Variants in PRELID2 observed in about 807,000 individuals in gnomAD.
The protein encoded by PRELID2 is PRELI domain-containing protein 2.
PRELID2 carries 25 observed loss-of-function variants against 28.4 expected under a neutral mutation model. The observed-to-expected ratio is 0.88, with a 90% CI of 0.64 to 1.23. The LOEUF (loss-of-function observed/expected upper bound fraction) is 1.23, where lower values mean the gene tolerates loss of function less well. PRELID2 is among the 50% of genes most tolerant of loss of function. PRELID2 has a pLI of 0.00. For synonymous variants in PRELID2, 76 were observed against 71.6 expected (o/e 1.06, Z -0.31); for missense variants, 201 against 214.4 (o/e 0.94, Z 0.39).
At chr5:145,617,880 T>C (rs1227636753) in intron 1 of PRELID2, among the ~76,000 whole-genome samples, 1 of 151,966 alleles carries the variant, frequency 6.6e-6, no homozygotes, top group Non-Finnish European at 1.5e-5. Context: ...ATTACAGGCA[T>C]GCACCACCAC....
At chr5:145,275,172 A>G in the PRELID2 span, among the ~76,000 whole-genome samples, 3 of 152,158 alleles carry the variant, frequency 2.0e-5, no homozygotes, top group Non-Finnish European at 4.4e-5. Flanking sequence ...GACACAATTC[A>G]ACCCAAACAC....
intron 4 of PRELID2, among the ~76,000 whole-genome samples, chr5:145,814,272 A>G (rs1300553689): frequency 3.3e-5 from 5 of 152,222 alleles, no homozygotes; most frequent in Non-Finnish European, 7.3e-5. Context: ...ATGTGCAAAA[A>G]TTAAGGCTAA....
intron 1 of PRELID2, among the ~76,000 whole-genome samples, chr5:145,671,526 T>C (rs1403636963): frequency 6.6e-6 from 1 of 152,216 alleles, no homozygotes; most frequent in East Asian, 1.9e-4. Context: ...AATGTTTGCA[T>C]ATTCTAGTTG....
rs188149901 is a variant in PRELID2 at position 145,676,864 on chromosome 5, A to G, written n.70+88067T>C. Among the ~76,000 whole-genome samples the G allele has an allele frequency of 4.1e-3, 621 of 152,300 alleles. 3 individuals carry two copies. Among genetic ancestry groups the G allele is most frequent in the Non-Finnish European group, 6.7e-3 (454 of 68,018 alleles). On this transcript the variant is annotated intron_variant and non_coding_transcript_variant, in intron 1 of 2. Coordinates refer to the PRELID2 transcript ENST00000510259. ...AAATTAGCAAAATTTAGACTACAAG[A>G]AACTCTACTGACAAAGTGACCAGAT...
the PRELID2 span, among the ~76,000 whole-genome samples, chr5:145,290,612 A>AG: frequency 1.4e-5 from 1 of 70,174 alleles, no homozygotes; most frequent in Admixed American, 1.8e-4. Flanking sequence ...CGGTTGGGGG[A>AG]GGGGGGAGGG....
At chr5:145,437,819 T>C in the PRELID2 span, among the ~76,000 whole-genome samples, 1 of 152,102 alleles carries the variant, frequency 6.6e-6, no homozygotes, top group Admixed American at 6.6e-5. Context: ...CATGCTGCTA[T>C]TAAAGAAATA....
At chr5:145,405,802 T>C in the PRELID2 span, among the ~76,000 whole-genome samples, 1 of 148,684 alleles carries the variant, frequency 6.7e-6, no homozygotes, top group Non-Finnish European at 1.5e-5. Context: ...GCCTCCCAGG[T>C]TCATGCCAAT....
At chr5:145,528,613 G>A (rs571290338) in intron 1 of PRELID2, among the ~76,000 whole-genome samples, 11 of 151,278 alleles carry the variant, frequency 7.3e-5, no homozygotes, top group African/African-American at 2.4e-4. Flanking sequence ...AAGGCATACT[G>A]GTATACTTGA....
intron 1 of PRELID2, among the ~76,000 whole-genome samples, chr5:145,533,350 G>T (rs917377994): frequency 6.6e-6 from 1 of 151,878 alleles, no homozygotes; most frequent in East Asian, 1.9e-4. Flanking sequence ...CGTACATTTA[G>T]GTTCAATATC....
At chr5:145,793,275 C>T (rs1554095488) in intron 5 of PRELID2, among the ~76,000 whole-genome samples, 1 of 152,098 alleles carries the variant, frequency 6.6e-6, no homozygotes, top group Non-Finnish European at 1.5e-5. Flanking sequence ...AATTTACAAA[C>T]ATAAAAATAT....
chr5:145,286,350 T>A, the PRELID2 span, among the ~76,000 whole-genome samples: 8 of 152,176 alleles, frequency 5.3e-5, no homozygotes, highest in African/African-American at 1.9e-4. Context: ...GCAGTCGCTG[T>A]TTTTTCAGGA....
intron 1 of PRELID2, among the ~76,000 whole-genome samples, chr5:145,602,825 G>A (rs980017141): frequency 6.6e-6 from 1 of 151,966 alleles, no homozygotes; most frequent in African/African-American, 2.4e-5. Context: ...CAAAATGCGG[G>A]TGAATCACCT....
In PRELID2 at chr5:145,757,112, G is replaced by T. The variant is rs999181991; in HGVS notation, c.*3424C>A. 4.5e-4 allele frequency among the ~76,000 whole-genome samples: 68 copies of T among 152,180 alleles called. No homozygotes were observed. Among genetic ancestry groups the T allele is most frequent in the African/African-American group, 1.5e-3 (61 of 41,442 alleles). ...GAAATAAAGTAAAAAAGATGTGCAAGTTAAAAGAATAACCTTGAGTTTTCT... is the reference window on the plus strand; with the variant it reads ...GAAATAAAGTAAAAAAGATGTGCAATTTAAAAGAATAACCTTGAGTTTTCT... On this transcript the variant is annotated 3_prime_UTR_variant, in exon 7 of 7. Coordinates refer to ENST00000683046, the MANE Select transcript of PRELID2 (RefSeq NM_205846.3).
At chr5:145,539,459 T>C (rs2126669994) in intron 1 of PRELID2, among the ~76,000 whole-genome samples, 1 of 152,124 alleles carries the variant, frequency 6.6e-6, no homozygotes, top group South Asian at 2.1e-4. Flanking sequence ...GTGATTCTTA[T>C]GCACATTGAA....
chr5:145,234,307 C>G, the PRELID2 span, among the ~76,000 whole-genome samples: 28 of 152,136 alleles, frequency 1.8e-4, no homozygotes, highest in Non-Finnish European at 4.1e-4. Context: ...AACACAACAG[C>G]TCCATGAGAT....
chr5:145,553,195 A>C lies in PRELID2; in HGVS notation n.71-79880T>G, dbSNP rs953663727. On this transcript the variant is annotated intron_variant and non_coding_transcript_variant, in intron 1 of 2. Coordinates refer to the PRELID2 transcript ENST00000510259. The stretch of plus-strand genomic sequence containing the variant: ...AGTTGCTAGAGGACCCCCCCCCCCA[A>C]AAAAAAAGGGAGCTGTTAATTGCAA... Among the ~76,000 whole-genome samples the C allele has an allele frequency of 7.7e-3, 745 of 96,388 alleles. 3 individuals are homozygous for C. The highest frequency in any genetic ancestry group is 0.012 in the Non-Finnish European group (589 of 49,254). 63.2% of individuals were successfully genotyped at this position (96,388 alleles called of 152,430 possible).
intron 1 of PRELID2, among the ~76,000 whole-genome samples, chr5:145,730,373 G>C (rs543511662): frequency 6.6e-6 from 1 of 152,240 alleles, no homozygotes; most frequent in South Asian, 2.1e-4. Flanking sequence ...GTAGAAAGCA[G>C]GTAATATTTA....
chr5:145,590,053 C>A (rs1753207069), intron 1 of PRELID2, among the ~76,000 whole-genome samples: 1 of 152,218 alleles, frequency 6.6e-6, no homozygotes, highest in South Asian at 2.1e-4. Context: ...ATTGCACTTA[C>A]CAGACCTCCA....
chr5:145,547,011 C>T (rs1000860836), intron 1 of PRELID2, among the ~76,000 whole-genome samples: 9 of 152,094 alleles, frequency 5.9e-5, no homozygotes, highest in Non-Finnish European at 1.0e-4. Flanking sequence ...ATAAAATACA[C>T]GTGAAATGCT....
Sources: gnomAD v4.1 joint callset for allele counts (sites outside exome capture counted in the v4.1 genomes callset) on GRCh38, gnomAD v4.1.1 for gene constraint, MANE v1.5 for transcripts, NCBI Gene and HGNC (gene_info 2026-07-23, HGNC 2026-07-21) for gene names.